The following ACOT7 variants were observed in gnomAD, a reference collection of about 807,000 sequenced individuals.
The protein encoded by ACOT7 is acyl-CoA thioesterase 7.
Under a neutral mutation model 40.2 loss-of-function variants are expected in ACOT7, and 12 were observed. That is an observed-to-expected ratio of 0.30 (90% CI 0.19 to 0.48). The LOEUF is 0.48. ACOT7 is among the 20% of genes least tolerant of loss of function. The pLI is 0.99. For synonymous variants in ACOT7, 228 were observed against 219.5 expected (o/e 1.04, Z -0.34); for missense variants, 395 against 530.8 (o/e 0.74, Z 2.51).
At chr1:6,268,354 ATTCT>A (rs544339520) in intron 8 of ACOT7, among the ~76,000 whole-genome samples, 3 of 152,276 alleles carry the variant, frequency 2.0e-5, no homozygotes, top group African/African-American at 7.2e-5. Flanking sequence ...CTACACAGGA[ATTCT>A]TTCTTCTCTT....
chr1:6,279,303 C>T (rs1044157613), intron 8 of ACOT7, among the ~76,000 whole-genome samples: 2 of 151,498 alleles, frequency 1.3e-5, no homozygotes, highest in Non-Finnish European at 2.9e-5. Flanking sequence ...CGATGGGTGG[C>T]ACGGTGGGCC....
chr1:6,360,679 C>G (rs768011504), intron 1 of ACOT7: 1 of 1,614,094 alleles, frequency 6.2e-7, no homozygotes, highest in African/African-American at 1.3e-5. Context: ...CTGTCGGCTC[C>G]CTCCAGAAGC....
intron 8 of ACOT7, among the ~76,000 whole-genome samples, chr1:6,276,382 G>A (rs1194389925): frequency 1.3e-5 from 2 of 152,130 alleles, no homozygotes; most frequent in African/African-American, 4.8e-5. Context: ...CTGCCACGGG[G>A]AGGCCTGCCT....
chr1:6,358,391 A>G lies in ACOT7; in HGVS notation c.144-8525T>C, dbSNP rs563593709. On this transcript the variant is annotated intron_variant, in intron 1 of 8. Transcript: ENST00000361521. The surrounding 1 kb of genome is among the most constrained non-coding windows in gnomAD (Gnocchi z 4.1). Reference sequence around the variant, plus strand: ...TTGGCCAGGGGCAGGGGACTGACCCAGGAGGCTCCTTGTGCAGCCCACAGA... The same window carrying G: ...TTGGCCAGGGGCAGGGGACTGACCCGGGAGGCTCCTTGTGCAGCCCACAGA... 1.7e-4 allele frequency among the ~76,000 whole-genome samples: 26 copies of G among 152,320 alleles called. No individual in the cohort carries two copies. The highest frequency in any genetic ancestry group is 6.3e-4 in the African/African-American group (26 of 41,572).
intron 5 of ACOT7, 151 bp from the exon 6 acceptor site, chr1:6,318,729 G>C: frequency 2.7e-6 from 2 of 751,560 alleles, no homozygotes; most frequent in Non-Finnish European, 4.5e-6. Context: ...GAAAACTATG[G>C]TCTCCAAACA....
rs2148487221 is a variant in ACOT7 at position 6,393,296 on chromosome 1, C to T, written c.104G>A (p.Gly35Asp). 4 of 1,284,398 alleles carry T rather than the reference C, an allele frequency of 3.1e-6. No homozygotes were observed. Among genetic ancestry groups the T allele is most frequent in the South Asian group, 3.3e-5 (1 of 30,422 alleles). 79.6% of individuals were successfully genotyped at this position (1,284,398 alleles called of 1,614,324 possible). ...ASAAAAPSMS[G>D]PDVETPSAIQ... is the part of the protein sequence containing the mutation. ...GGCGGACGGCGTCTCGACGTCTGGG[C>T]CCGACATGCTGGGGGCTGCGGCGGC... The change falls in exon 1 of 9, where the codon GGC becomes GAC. Residue 35 changes from glycine to aspartate, a missense_variant. Transcript: ENST00000361521.
chr1:6,358,817 T>A lies in ACOT7; in HGVS notation c.144-8951A>T. ...TGCACGGCCTAGACATGCCCATGAC[T>A]GGCAGTACCTGCTCAGCTGGAAAGC... On this transcript the variant is annotated intron_variant, in intron 1 of 8. Transcript: ENST00000361521. This position sits in a 1 kb window ranked among gnomAD's most constrained non-coding sequence, Gnocchi z 4.1. 6.2e-7 allele frequency: 1 copy of A among 1,613,700 alleles called. No homozygotes were observed. The highest frequency in any genetic ancestry group is 8.5e-7 in the Non-Finnish European group (1 of 1,179,588).
At chr1:6,305,781 C>T (rs1049942897) in intron 6 of ACOT7, among the ~76,000 whole-genome samples, 82 of 152,196 alleles carry the variant, frequency 5.4e-4, no homozygotes, top group African/African-American at 1.5e-3. Flanking sequence ...ACTTCCCAGA[C>T]GGGGTGGTGG....
intron 7 of ACOT7, among the ~76,000 whole-genome samples, chr1:6,290,589 A>G (rs1362817656): frequency 6.6e-6 from 1 of 152,246 alleles, no homozygotes; most frequent in Non-Finnish European, 1.5e-5. Context: ...TTAAATTTAT[A>G]CTTGACTTAA....
At chr1:6,280,005 G>A (rs1328423110) in intron 8 of ACOT7, among the ~76,000 whole-genome samples, 2 of 152,240 alleles carry the variant, frequency 1.3e-5, no homozygotes, top group East Asian at 1.9e-4. Context: ...GCTCCTCTCC[G>A]GGAGGCTGAG....
At chr1:6,344,681 T>C (rs781014330) in intron 2 of ACOT7, among the ~76,000 whole-genome samples, 1 of 145,754 alleles carries the variant, frequency 6.9e-6, no homozygotes, top group Non-Finnish European at 1.5e-5. Flanking sequence ...GGAGAATCAC[T>C]TGAACCCAGG....
chr1:6,305,334 C>T (rs1217905584), intron 6 of ACOT7, among the ~76,000 whole-genome samples: 13 of 143,778 alleles, frequency 9.0e-5, no homozygotes, highest in Non-Finnish European at 1.4e-4. Context: ...CGGGCAGAGG[C>T]GCCCCTCACC....
At chr1:6,341,168 G>T (rs1400710137) in intron 2 of ACOT7, among the ~76,000 whole-genome samples, 1 of 151,418 alleles carries the variant, frequency 6.6e-6, no homozygotes, top group African/African-American at 2.4e-5. Flanking sequence ...TTGAGATGGA[G>T]TCTCACTCTG....
intron 4 of ACOT7, among the ~76,000 whole-genome samples, chr1:6,329,410 G>C (rs778540474): frequency 3.2e-4 from 49 of 152,316 alleles, no homozygotes; most frequent in Non-Finnish European, 2.4e-4. Flanking sequence ...ACGACTGTGA[G>C]AAGAGAGTCT....
chr1:6,347,906 G>A (rs1424313122), intron 2 of ACOT7, among the ~76,000 whole-genome samples: 2 of 152,086 alleles, frequency 1.3e-5, no homozygotes, highest in East Asian at 1.9e-4. Context: ...ATAATTCCAC[G>A]ATTCTGAGTG....
chr1:6,329,131 C>A (rs1204612883), intron 4 of ACOT7, among the ~76,000 whole-genome samples: 1 of 152,274 alleles, frequency 6.6e-6, no homozygotes, highest in Non-Finnish European at 1.5e-5. Context: ...CTGTGTTAGG[C>A]CTTCTTTCAA....
chr1:6,315,664 T>C (rs1160061054), intron 6 of ACOT7, among the ~76,000 whole-genome samples: 1 of 144,904 alleles, frequency 6.9e-6, no homozygotes, highest in Non-Finnish European at 1.5e-5. Flanking sequence ...GGCAGGAGAA[T>C]GGTGTGAACC....
In ACOT7 at chr1:6,282,331, G is replaced by A. The variant is rs1355817601; in HGVS notation, c.830-1045C>T. 1.3e-5 allele frequency among the ~76,000 whole-genome samples: 2 copies of A among 152,160 alleles called. No individual in the cohort carries two copies. The highest frequency in any genetic ancestry group is 2.9e-5 in the Non-Finnish European group (2 of 68,014). On this transcript the variant is annotated intron_variant, in intron 7 of 8. Coordinates refer to ENST00000361521, the MANE Select transcript of ACOT7 (RefSeq NM_007274.4). The surrounding 1 kb of genome is among the most constrained non-coding windows in gnomAD (Gnocchi z 4.5). ...AAGAGCTGACCTGGGGCCCCGGGAA[G>A]GTGTCACCATCGATGTCACTGGCCA...
chr1:6,342,134 G>A (rs1401392757), intron 2 of ACOT7, among the ~76,000 whole-genome samples: 1 of 152,194 alleles, frequency 6.6e-6, no homozygotes, highest in Non-Finnish European at 1.5e-5. Context: ...AGGGACTTGG[G>A]TCATTCCAAG....
Sources: allele counts gnomAD v4.1 joint callset (sites outside exome capture counted in the v4.1 genomes callset), GRCh38; gene constraint gnomAD v4.1.1; non-coding constraint Gnocchi (gnomAD v3.1); transcripts MANE v1.5; gene names NCBI Gene and HGNC (gene_info 2026-07-23, HGNC 2026-07-21).